RCOR1: variants seen among roughly 807,000 people sequenced by gnomAD.
The protein encoded by RCOR1 is REST corepressor.
A neutral mutation model predicts 64.0 loss-of-function variants in RCOR1; 12 were observed. That is an observed-to-expected ratio of 0.19 (90% CI 0.12 to 0.30). RCOR1 has a LOEUF of 0.30. Among genes scored for constraint, RCOR1 ranks in the 10% least tolerant of loss-of-function variants. The pLI, the probability that RCOR1 is intolerant of heterozygous loss-of-function variation, is 1.00. For synonymous variants in RCOR1, 279 were observed against 227.2 expected (o/e 1.23, Z -2.05); for missense variants, 502 against 621.2 (o/e 0.81, Z 2.04).
At chr14:102,662,553 G>A (rs1485302446) in intron 2 of RCOR1, 12 of 483,768 alleles carry the variant, frequency 2.5e-5, no homozygotes, top group South Asian at 1.3e-4. Flanking sequence ...CCCTGGAGTC[G>A]CAGTGTTTTG....
intron 2 of RCOR1, among the ~76,000 whole-genome samples, chr14:102,609,041 TTTTTTTTTA>T (rs1893573935): frequency 6.7e-6 from 1 of 148,212 alleles, no homozygotes; most frequent in African/African-American, 2.6e-5. Flanking sequence ...TTTTTTTTTT[TTTTTTTTTA>T]AATTTTTATT....
intron 2 of RCOR1, among the ~76,000 whole-genome samples, chr14:102,619,638 G>A (rs1893833448): frequency 6.6e-6 from 1 of 151,926 alleles, no homozygotes; most frequent in Non-Finnish European, 1.5e-5. Flanking sequence ...GTGCCACCAT[G>A]CCTGGCAAGT....
chr14:102,597,166 C>A (rs1893271020), intron 2 of RCOR1, among the ~76,000 whole-genome samples: 1 of 151,982 alleles, frequency 6.6e-6, no homozygotes, highest in South Asian at 2.1e-4. Context: ...AGCCACCATG[C>A]CCTGTCCCTA....
In RCOR1 at chr14:102,703,533, A is replaced by T. The variant is rs1895789067; in HGVS notation, c.498+2203A>T. Among the ~76,000 whole-genome samples, 3 of 152,242 alleles carry T rather than the reference A, an allele frequency of 2.0e-5. No individual in the cohort carries two copies. The South Asian group carries it at 6.2e-4, about 32-fold the overall frequency. ...TTTCTTGTCAAAACCTTTGGAAGCCAGAGGCAATGGTCTGATATATTCAAA... is the reference window on the plus strand; with the variant it reads ...TTTCTTGTCAAAACCTTTGGAAGCCTGAGGCAATGGTCTGATATATTCAAA... On this transcript the variant is annotated intron_variant, in intron 4 of 11. Coordinates refer to ENST00000262241, the MANE Select transcript of RCOR1 (RefSeq NM_015156.4).
intron 2 of RCOR1, among the ~76,000 whole-genome samples, chr14:102,676,626 TGGG>T (rs764478050): frequency 2.1e-5 from 1 of 46,664 alleles, no homozygotes; most frequent in African/African-American, 1.0e-4. Context: ...GCTGGCCAGG[TGGG>T]GGGCTGATCC....
intron 2 of RCOR1, among the ~76,000 whole-genome samples, chr14:102,643,790 G>C (rs772267572): frequency 6.6e-6 from 1 of 152,182 alleles, no homozygotes; most frequent in Non-Finnish European, 1.5e-5. Context: ...TGGACGTGGT[G>C]GGGGAGACGT....
chr14:102,724,920 G>A (rs1027173881), intron 11 of RCOR1, among the ~76,000 whole-genome samples: 1 of 152,100 alleles, frequency 6.6e-6, no homozygotes, highest in Non-Finnish European at 1.5e-5. Flanking sequence ...TCTGCCCTCA[G>A]GTTTTATGTA....
chr14:102,649,725 C>T, intron 2 of RCOR1: 5 of 912,934 alleles, frequency 5.5e-6, no homozygotes, highest in Non-Finnish European at 6.5e-6. Context: ...GCTTGTAAAT[C>T]TGGTTTGATG....
intron 2 of RCOR1, among the ~76,000 whole-genome samples, chr14:102,681,314 C>T (rs1895298099): frequency 6.6e-6 from 1 of 152,176 alleles, no homozygotes; most frequent in Admixed American, 6.5e-5. Context: ...TCTTTGCCTT[C>T]TGAAGATATG....
intron 3 of RCOR1, chr14:102,695,513 G>C (rs999082683): frequency 1.3e-5 from 2 of 152,356 alleles, no homozygotes; most frequent in African/African-American, 4.8e-5. Context: ...AAGGAAAGGA[G>C]GGAAGGAGGG....
At chr14:102,632,976 T>G (rs1894160092) in intron 2 of RCOR1, among the ~76,000 whole-genome samples, 1 of 151,250 alleles carries the variant, frequency 6.6e-6, no homozygotes, top group African/African-American at 2.4e-5. Context: ...TCTGGCTAAT[T>G]TTTAAATTTT....
At chr14:102,695,877 C>T (rs2139973756) in intron 3 of RCOR1, among the ~76,000 whole-genome samples, 1 of 152,106 alleles carries the variant, frequency 6.6e-6, no homozygotes, top group African/African-American at 2.4e-5. Flanking sequence ...TATACCTTAT[C>T]TGATATTTAC....
Position 102,592,814 on chromosome 14 carries a change from C to T in RCOR1, c.-73C>T. On this transcript the variant is annotated 5_prime_UTR_variant, in exon 1 of 12. Coordinates refer to ENST00000262241, the MANE Select transcript of RCOR1 (RefSeq NM_015156.4). ...CGGCCCCGCGCCGGCCCCGCGCCCC[C>T]TCCCCCGTCTCGGCGCCCCCTCCTC... The T allele has an allele frequency of 8.5e-6, 10 of 1,177,340 alleles. No individual in the cohort carries two copies. Among genetic ancestry groups the T allele is most frequent in the South Asian group, 4.2e-5 (1 of 23,880 alleles). 72.9% of individuals were successfully genotyped at this position (1,177,340 alleles called of 1,614,324 possible).
intron 8 of RCOR1, among the ~76,000 whole-genome samples, chr14:102,717,998 T>C (rs1477590403): frequency 2.0e-5 from 3 of 152,150 alleles, no homozygotes; most frequent in Non-Finnish European, 2.9e-5. Flanking sequence ...GAGGCCGCCA[T>C]GTTTGGTATA....
chr14:102,654,900 C>T (rs1894690804), intron 2 of RCOR1, among the ~76,000 whole-genome samples: 1 of 150,202 alleles, frequency 6.7e-6, no homozygotes, highest in South Asian at 2.1e-4. Flanking sequence ...TGTCAGTCTC[C>T]TGGGCTTAAA....
intron 2 of RCOR1, among the ~76,000 whole-genome samples, chr14:102,642,919 A>G (rs1179688005): frequency 2.6e-5 from 4 of 152,150 alleles, no homozygotes; most frequent in African/African-American, 9.7e-5. Context: ...GTATGGGGGA[A>G]TGAGTCAGGA....
intron 2 of RCOR1, among the ~76,000 whole-genome samples, chr14:102,632,664 C>CT (rs1410024620): frequency 1.0e-3 from 60 of 59,654 alleles, no homozygotes; most frequent in Middle Eastern, 8.9e-3. Flanking sequence ...CTTTCCTTTC[C>CT]TTTCCTTTCC....
intron 2 of RCOR1, among the ~76,000 whole-genome samples, chr14:102,599,212 C>A (rs974336341): frequency 3.3e-5 from 5 of 151,910 alleles, no homozygotes; most frequent in Admixed American, 6.6e-5. Flanking sequence ...GAACTTGAAC[C>A]TCCTGGGCGC....
At chr14:102,687,403 A>G (rs1281749513) in intron 3 of RCOR1, among the ~76,000 whole-genome samples, 1 of 152,204 alleles carries the variant, frequency 6.6e-6, no homozygotes, top group African/African-American at 2.4e-5. Flanking sequence ...GCTTCATTTA[A>G]TAAACTGTAA....
Sources: allele counts gnomAD v4.1 joint callset (sites outside exome capture counted in the v4.1 genomes callset), GRCh38; gene constraint gnomAD v4.1.1; transcripts MANE v1.5; gene names NCBI Gene and HGNC (gene_info 2026-07-23, HGNC 2026-07-21).